The following PHLPP1 variants were observed in gnomAD, a reference collection of about 807,000 sequenced individuals.
PHLPP1 encodes the protein PH domain and leucine rich repeat protein phosphatase 1, also known as PH domain leucine-rich repeat-containing protein phosphatase 1.
In PHLPP1, 42 loss-of-function variants were observed where a neutral mutation model predicts 117.2. The observed-to-expected ratio is 0.36, with a 90% confidence interval of 0.28 to 0.46. PHLPP1 has a LOEUF of 0.46. Among genes scored for constraint, PHLPP1 ranks in the 20% least tolerant of loss-of-function variants. The pLI, the probability that PHLPP1 is intolerant of heterozygous loss-of-function variation, is 1.00. For synonymous variants in PHLPP1, 1,042 were observed against 970.7 expected (o/e 1.07, Z -1.37); for missense variants, 2,084 against 2,241.9 (o/e 0.93, Z 1.42).
At chr18:62,777,905 T>C (rs1913007567) in intron 1 of PHLPP1, among the ~76,000 whole-genome samples, 1 of 152,218 alleles carries the variant, frequency 6.6e-6, no homozygotes, top group Admixed American at 6.5e-5. Context: ...CATAATGTCA[T>C]AGGTTATTAC....
At chr18:62,724,768 C>G (rs1911020074) in intron 1 of PHLPP1, among the ~76,000 whole-genome samples, 1 of 152,110 alleles carries the variant, frequency 6.6e-6, no homozygotes, top group South Asian at 2.1e-4. Flanking sequence ...TGAGGGGTTG[C>G]ATATCACTTT....
intron 1 of PHLPP1, among the ~76,000 whole-genome samples, chr18:62,822,284 TTG>T (rs1427777843): frequency 8.4e-5 from 12 of 142,048 alleles, no homozygotes; most frequent in Non-Finnish European, 1.7e-4. Flanking sequence ...TTTTTTGTTT[TTG>T]TTTTTTTTTT....
At chr18:62,918,030 C>T (rs181363402) in intron 9 of PHLPP1, among the ~76,000 whole-genome samples, 2 of 151,644 alleles carry the variant, frequency 1.3e-5, no homozygotes, top group African/African-American at 4.8e-5. Context: ...CATGGTGAAA[C>T]CCCGTCTCTA....
chr18:62,847,981 C>T (rs932550347), intron 3 of PHLPP1, among the ~76,000 whole-genome samples: 1 of 152,202 alleles, frequency 6.6e-6, no homozygotes, highest in Middle Eastern at 3.2e-3. Context: ...GGATCTGTGC[C>T]CTTGCACTGC....
In PHLPP1 at chr18:62,716,151, C is replaced by T. The variant is rs1461452432; in HGVS notation, c.468C>T (p.Gly156=). 3 of 1,518,034 alleles carry T rather than the reference C, an allele frequency of 2.0e-6. No homozygotes were observed. Among genetic ancestry groups the T allele is most frequent in the Admixed American group, 4.0e-5 (2 of 49,596 alleles). The allele number at this position is 1,518,034 out of a possible 1,614,324, so 94.0% of individuals were successfully genotyped here. A position where few individuals can be genotyped will look rare whatever the true frequency, so the allele number is the denominator to read the frequency against. ...AAASHSPGAA[G]LPASCSASAS... Reference sequence around the variant, plus strand: ...CCTCGCACTCCCCCGGCGCTGCCGGCCTCCCCGCCTCCTGCTCGGCCTCGG... The same window carrying T: ...CCTCGCACTCCCCCGGCGCTGCCGGTCTCCCCGCCTCCTGCTCGGCCTCGG... The change falls in exon 1 of 17, where the codon GGC becomes GGT. Residue 156 remains glycine (G), a synonymous_variant. Coordinates refer to ENST00000262719, the MANE Select transcript of PHLPP1 (RefSeq NM_194449.4). This position sits in a 1 kb window ranked among gnomAD's most constrained non-coding sequence, Gnocchi z 5.7.
intron 1 of PHLPP1, among the ~76,000 whole-genome samples, chr18:62,759,018 G>C (rs1254747138): frequency 1.3e-5 from 2 of 152,202 alleles, no homozygotes; most frequent in African/African-American, 4.8e-5. Context: ...TGGAAATGTT[G>C]ATTTGTTGAA....
chr18:62,835,749 CTTT>C (rs967157697), intron 2 of PHLPP1, among the ~76,000 whole-genome samples: 2 of 131,624 alleles, frequency 1.5e-5, no homozygotes, highest in African/African-American at 5.5e-5. Context: ...AACTGTCTTT[CTTT>C]ATCTGAGGTA....
chr18:62,852,505 G>A (rs572086402), intron 3 of PHLPP1, among the ~76,000 whole-genome samples: 15 of 152,114 alleles, frequency 9.9e-5, no homozygotes, highest in East Asian at 9.7e-4. Context: ...CGCCACGCCC[G>A]GCTAATTTTT....
At chr18:62,913,362 A>G (rs1917011314) in intron 8 of PHLPP1, among the ~76,000 whole-genome samples, 3 of 152,228 alleles carry the variant, frequency 2.0e-5, no homozygotes, top group South Asian at 4.1e-4. Context: ...ATGTGCTTAT[A>G]CAGACACTAA....
intron 1 of PHLPP1, among the ~76,000 whole-genome samples, chr18:62,805,395 A>G (rs192708597): frequency 1.3e-5 from 2 of 152,214 alleles, no homozygotes; most frequent in East Asian, 3.9e-4. Flanking sequence ...TATAATATAC[A>G]CTGTATATAT....
At chr18:62,733,483 A>G (rs1209543549) in intron 1 of PHLPP1, among the ~76,000 whole-genome samples, 2 of 152,228 alleles carry the variant, frequency 1.3e-5, no homozygotes, top group Non-Finnish European at 2.9e-5. Context: ...TATTCGCCCT[A>G]TAACAGTGGT....
rs1235996257 is a variant in PHLPP1, at chr18:62,846,546, GA to G, written c.1899+7649del. 7.1e-3 allele frequency among the ~76,000 whole-genome samples: 993 copies of G among 140,604 alleles called. 9 individuals are homozygous for G. Among genetic ancestry groups the G allele is most frequent in the African/African-American group, 0.023 (903 of 38,570 alleles). 92.2% of individuals were successfully genotyped at this position (140,604 alleles called of 152,430 possible). On this transcript the variant is annotated intron_variant, in intron 3 of 16. Coordinates refer to ENST00000262719, the MANE Select transcript of PHLPP1 (RefSeq NM_194449.4). ...CATATCACACATGTCTGAGAAGTGT[GA>G]AAAAAAAAAAAGCTAAAGTAAATGA...
intron 2 of PHLPP1, chr18:62,838,126 A>G (rs1209122281): frequency 1.3e-5 from 2 of 152,082 alleles, no homozygotes; most frequent in Non-Finnish European, 2.9e-5. Flanking sequence ...AGATTTTGAT[A>G]TGTAGTTTTT....
At chr18:62,735,114 C>T (rs979382947) in intron 1 of PHLPP1, among the ~76,000 whole-genome samples, 2 of 151,338 alleles carry the variant, frequency 1.3e-5, no homozygotes, top group Non-Finnish European at 2.9e-5. Flanking sequence ...GTGCGATTTC[C>T]ACTCACTGCA....
intron 1 of PHLPP1, among the ~76,000 whole-genome samples, chr18:62,748,801 A>G (rs1466935895): frequency 6.6e-6 from 1 of 152,066 alleles, no homozygotes; most frequent in Non-Finnish European, 1.5e-5. Context: ...GATTCAATCT[A>G]TTTATATTTG....
chr18:62,783,297 GGCTCACT>G (rs1431818973), intron 1 of PHLPP1, among the ~76,000 whole-genome samples: 1 of 138,854 alleles, frequency 7.2e-6, no homozygotes, highest in African/African-American at 2.7e-5. Flanking sequence ...GCGTGATCTT[GGCTCACT>G]GCAAGCTCTG....
intron 14 of PHLPP1, among the ~76,000 whole-genome samples, chr18:62,966,493 C>T (rs1160828370): frequency 1.7e-5 from 2 of 114,468 alleles, no homozygotes; most frequent in African/African-American, 3.5e-5. Flanking sequence ...TTTTTTGAGA[C>T]GGAGTCTTGT....
At chr18:62,950,842 A>C (rs995698131) in intron 12 of PHLPP1, among the ~76,000 whole-genome samples, 3 of 152,184 alleles carry the variant, frequency 2.0e-5, no homozygotes, top group Non-Finnish European at 4.4e-5. Context: ...CTAAGGAAAG[A>C]GGAAGCAAGC....
At chr18:62,857,468 C>T (rs911377088) in intron 3 of PHLPP1, among the ~76,000 whole-genome samples, 1 of 152,154 alleles carries the variant, frequency 6.6e-6, no homozygotes, top group Non-Finnish European at 1.5e-5. Flanking sequence ...GCTTGGGTCC[C>T]ATGCTAGCAC....
Sources: allele counts gnomAD v4.1 joint callset (sites outside exome capture counted in the v4.1 genomes callset), GRCh38; gene constraint gnomAD v4.1.1; non-coding constraint Gnocchi (gnomAD v3.1); transcripts MANE v1.5; gene names NCBI Gene and HGNC (gene_info 2026-07-23, HGNC 2026-07-21).